Variants in ACP2 observed in about 807,000 individuals in gnomAD.
The protein encoded by ACP2 is lysosomal acid phosphatase.
Under a neutral mutation model 54.7 loss-of-function variants are expected in ACP2, and 35 were observed. The observed-to-expected ratio is 0.64, with a 90% CI of 0.49 to 0.85. The LOEUF is 0.85. ACP2 is among the 40% of genes least tolerant of loss of function. The pLI is 0.00. For synonymous variants in ACP2, 210 were observed against 224.4 expected (o/e 0.94, Z 0.57); for missense variants, 492 against 565.0 (o/e 0.87, Z 1.31).
rs1953827204 is a variant in ACP2, at chr11:47,240,034, T to C, written c.*82A>G. 2.7e-6 allele frequency: 4 copies of C among 1,488,492 alleles called. No individual in the cohort carries two copies. Among genetic ancestry groups the C allele is most frequent in the African/African-American group, 1.4e-5 (1 of 71,642 alleles). The allele number at this position is 1,488,492 out of a possible 1,614,324, so 92.2% of individuals were successfully genotyped here. On this transcript the variant is annotated 3_prime_UTR_variant, in exon 11 of 11. Coordinates refer to ENST00000672073, the MANE Select transcript of ACP2 (RefSeq NM_001610.4). ...GGCCCAACCCAGGATCTCCTGTCCA[T>C]GGGCTGGGGAGCAGCAACAGTCAGG...
Position 47,240,010 on chromosome 11 carries a change from G to T in ACP2, c.*106C>A. The T allele has an allele frequency of 7.6e-7, 1 of 1,313,320 alleles. No individual in the cohort carries two copies. Among genetic ancestry groups the T allele is most frequent in the Non-Finnish European group, 1.0e-6 (1 of 957,720 alleles). The allele number at this position is 1,313,320 out of a possible 1,614,324, so 81.4% of individuals were successfully genotyped here. On this transcript the variant is annotated 3_prime_UTR_variant, in exon 11 of 11. Transcript: ENST00000672073. The stretch of plus-strand genomic sequence containing the variant: ...ATCTGGCTGGGGTCATCAGAGGGAG[G>T]CCCAACCCAGGATCTCCTGTCCATG...
At position 47,247,660 on chromosome 11, in the gene ACP2, G is replaced by A; in HGVS notation, c.278C>T (p.Thr93Ile). 1 of 1,614,252 alleles carries A rather than the reference G, an allele frequency of 6.2e-7. No homozygotes were observed. The highest frequency in any genetic ancestry group is 8.5e-7 in the Non-Finnish European group (1 of 1,180,048). Residue 93 changes from threonine to isoleucine, a missense_variant, in exon 3 of 11, where the codon ACC becomes ATC. Transcript: ENST00000672073. ...LRQRYHGFLNTSYHRQEVYVR... is the reference protein window; with the variant it reads ...LRQRYHGFLNISYHRQEVYVR... ...CCTTACCTCTTGCCGGTGATAAGAG[G>A]TGTTTAGGAAGCCGTGATAGCGCTG...
chr11:47,247,492 C>T, intron 3 of ACP2, 149 bp downstream of exon 3: 1 of 896,756 alleles, frequency 1.1e-6, no homozygotes, highest in Non-Finnish European at 1.8e-6. Context: ...GGCTTTGTTC[C>T]AGACAGCTCT....
chr11:47,247,379 TCACAGTCAGAAAC>T, intron 3 of ACP2: 2 of 555,580 alleles, frequency 3.6e-6, no homozygotes, highest in Non-Finnish European at 3.2e-6. Context: ...GCCTGTGATT[TCACAGTCAGAAAC>T]CACTTTGCCA....
chr11:47,245,633 G>T, intron 4 of ACP2, 49 bp downstream of exon 4: 1 of 1,613,994 alleles, frequency 6.2e-7, no homozygotes, highest in Non-Finnish European at 8.5e-7. Flanking sequence ...GCAGGCCTAC[G>T]GCCAGAGCTG....
Position 47,247,744 on chromosome 11 carries a change from G to A in ACP2, c.211-17C>T. 6.2e-7 allele frequency: 1 copy of A among 1,612,214 alleles called. No individual in the cohort carries two copies. Among genetic ancestry groups the A allele is most frequent in the Non-Finnish European group, 8.5e-7 (1 of 1,179,380 alleles). On this transcript the variant is annotated splice_polypyrimidine_tract_variant and intron_variant, in intron 2 of 10. Coordinates refer to ENST00000672073, the MANE Select transcript of ACP2 (RefSeq NM_001610.4). The stretch of plus-strand genomic sequence containing the variant: ...CATCCCCTCCTGTGGGCAAACCCAA[G>A]GGTTAAGAGGGTCTAGAGGGAAGGG...
intron 3 of ACP2, among the ~76,000 whole-genome samples, chr11:47,246,566 C>A (rs552191093): frequency 6.6e-6 from 1 of 151,906 alleles, no homozygotes; most frequent in African/African-American, 2.4e-5. Flanking sequence ...CAGAGTGAGA[C>A]CCCTTTAAAA....
Position 47,240,280 on chromosome 11 carries a change from T to C in ACP2, c.1139-31A>G, listed in dbSNP as rs200729606. ...CATGGGGGAGGCAAGAGAAAGGTCA[T>C]GTCAGCGTTCCATCATATGCCAGCT... On this transcript the variant is annotated intron_variant, in intron 10 of 10. Coordinates refer to ENST00000672073, the MANE Select transcript of ACP2 (RefSeq NM_001610.4). 4,172 of 1,120,362 alleles carry C rather than the reference T, an allele frequency of 3.7e-3. 25 individuals carry two copies. The highest frequency in any genetic ancestry group is 4.6e-3 in the Non-Finnish European group (3,377 of 730,198). 69.4% of individuals were successfully genotyped at this position (1,120,362 alleles called of 1,614,324 possible). A position where few individuals can be genotyped will look rare whatever the true frequency, so the allele number is the denominator to read the frequency against.
chr11:47,240,542 G>T (rs568020411), intron 10 of ACP2, among the ~76,000 whole-genome samples: 1 of 152,120 alleles, frequency 6.6e-6, no homozygotes, highest in African/African-American at 2.4e-5. Context: ...AAAGTTGGCC[G>T]TGCGCAGTGG....
At chr11:47,243,433 G>T in intron 7 of ACP2, 112 bp from the exon 8 acceptor site, 1 of 825,858 alleles carries the variant, frequency 1.2e-6, no homozygotes, top group Non-Finnish European at 1.9e-6. Flanking sequence ...CACCTACACG[G>T]AGAACTCTTT....
Position 47,243,236 on chromosome 11 carries a change from C to T in ACP2, c.855+3G>A. On this transcript the variant is annotated splice_donor_region_variant and intron_variant, in intron 8 of 10. Coordinates refer to ENST00000672073, the MANE Select transcript of ACP2 (RefSeq NM_001610.4). Reference sequence around the variant, plus strand: ...CAGCACGCTAGGGAGCGCAGGCACTCACCGCAGAGTAAACCAGCAGCTTGG... The same window carrying T: ...CAGCACGCTAGGGAGCGCAGGCACTTACCGCAGAGTAAACCAGCAGCTTGG... 3.7e-6 allele frequency: 6 copies of T among 1,614,208 alleles called. No homozygotes were observed. Among genetic ancestry groups the T allele is most frequent in the Non-Finnish European group, 5.1e-6 (6 of 1,180,030 alleles).
Position 47,244,793 on chromosome 11 carries a change from G to A in ACP2, c.714C>T (p.Phe238=), listed in dbSNP as rs1342759343. 1.9e-6 allele frequency: 3 copies of A among 1,613,028 alleles called. No homozygotes were observed. Among genetic ancestry groups the A allele is most frequent in the African/African-American group, 2.7e-5 (2 of 74,944 alleles). The part of the protein sequence containing the change: ...TMQRLSRLKD[F]SFRFLFGIYQ... ...AGATTCCGAAGAGGAAGCGGAAGCT[G>A]AAGTCCTTTAGCCGGCTGAGACGCT... Residue 238 remains phenylalanine (F), a synonymous_variant, in exon 7 of 11, where the codon TTC becomes TTT. Transcript: ENST00000672073.
intron 10 of ACP2, among the ~76,000 whole-genome samples, chr11:47,241,587 C>G (rs1953882487): frequency 6.6e-6 from 1 of 152,162 alleles, no homozygotes; most frequent in Non-Finnish European, 1.5e-5. Context: ...CCAGAAAGAA[C>G]TAGGAAGCTT....
At chr11:47,248,224 G>T in intron 1 of ACP2, 91 bp from the exon 2 acceptor site, 1 of 1,294,230 alleles carries the variant, frequency 7.7e-7, no homozygotes, top group Non-Finnish European at 1.1e-6. Context: ...AGGGAAGGAA[G>T]TCTCATTCCC....
intron 3 of ACP2, 126 bp downstream of exon 3, chr11:47,247,515 C>T: frequency 9.2e-7 from 1 of 1,090,348 alleles, no homozygotes; most frequent in Non-Finnish European, 1.4e-6. Flanking sequence ...GATGTCTTTT[C>T]CTGTAGTTGT....
In ACP2 at chr11:47,244,971, AG is replaced by A. The variant is rs1264448894; in HGVS notation, c.640-105del. On this transcript the variant is annotated intron_variant, in intron 6 of 10. Transcript: ENST00000672073. Reference sequence around the variant, plus strand: ...AGGTGCCTGTGTGTGTGAGGGAGGGAGAGGGGAGAGAGGCAGAGGGGCTGGA... The same window carrying A: ...AGGTGCCTGTGTGTGTGAGGGAGGGAAGGGGAGAGAGGCAGAGGGGCTGGA... 8.2e-6 allele frequency: 12 copies of A among 1,467,892 alleles called. No individual in the cohort carries two copies. In the African/African-American group the frequency reaches 1.5e-4, roughly 19 times the overall value. 90.9% of individuals were successfully genotyped at this position (1,467,892 alleles called of 1,614,324 possible).
chr11:47,240,003 G>T lies in ACP2; in HGVS notation c.*113C>A. On this transcript the variant is annotated 3_prime_UTR_variant, in exon 11 of 11. Transcript: ENST00000672073. ...CTCGCTCATCTGGCTGGGGTCATCAGAGGGAGGCCCAACCCAGGATCTCCT... is the reference window on the plus strand; with the variant it reads ...CTCGCTCATCTGGCTGGGGTCATCATAGGGAGGCCCAACCCAGGATCTCCT... The T allele has an allele frequency of 8.1e-7, 1 of 1,231,968 alleles. No individual in the cohort carries two copies. The highest frequency in any genetic ancestry group is 1.1e-6 in the Non-Finnish European group (1 of 886,364). The allele number at this position is 1,231,968 out of a possible 1,614,324, so 76.3% of individuals were successfully genotyped here.
intron 4 of ACP2, 34 bp from the exon 5 acceptor site, chr11:47,245,606 A>G: frequency 6.2e-7 from 1 of 1,614,224 alleles, no homozygotes; most frequent in Non-Finnish European, 8.5e-7. Flanking sequence ...GGCAGCGGGA[A>G]AAGGAGCCTG....
In ACP2 at chr11:47,244,871, T is replaced by C; in HGVS notation, c.640-4A>G. On this transcript the variant is annotated splice_region_variant and splice_polypyrimidine_tract_variant and intron_variant, in intron 6 of 10. Transcript: ENST00000672073. ...GCAGGCGCAGCCCGTGCGTTTGCTG[T>C]GTATCGCAGCAGGCAGGTTAGCGCC... 1 of 1,599,014 alleles carries C rather than the reference T, an allele frequency of 6.3e-7. No homozygotes were observed. Among genetic ancestry groups the C allele is most frequent in the Non-Finnish European group, 8.5e-7 (1 of 1,170,108 alleles).
Sources: gnomAD v4.1 joint callset for allele counts (sites outside exome capture counted in the v4.1 genomes callset) on GRCh38, gnomAD v4.1.1 for gene constraint, MANE v1.5 for transcripts, NCBI Gene and HGNC (gene_info 2026-07-23, HGNC 2026-07-21) for gene names.